EFCAB6: variants seen among roughly 807,000 people sequenced by gnomAD.
EFCAB6 encodes the protein EF-hand calcium-binding domain-containing protein 6.
A neutral mutation model predicts 169.8 loss-of-function variants in EFCAB6; 156 were observed. The observed-to-expected ratio is 0.92, with a 90% CI of 0.81 to 1.05. The LOEUF (loss-of-function observed/expected upper bound fraction) is 1.05. Among genes scored for constraint, EFCAB6 ranks in the 50% least tolerant of loss-of-function variants. EFCAB6 has a pLI of 0.00. For synonymous variants in EFCAB6, 698 were observed against 676.4 expected, an observed-to-expected ratio of 1.03 and a Z score of -0.50; for missense variants, 1,800 against 1,829.1, an observed-to-expected ratio of 0.98 and a Z score of 0.29.
At chr22:43,590,029 T>C (rs865958037) in intron 24 of EFCAB6, 45 bp downstream of exon 24, 1 of 1,587,682 alleles carries the variant, frequency 6.3e-7, no homozygotes, top group Middle Eastern at 1.7e-4. Flanking sequence ...CTCCAGTATG[T>C]TTTTCAGGGC....
In EFCAB6 at chr22:43,667,129, T is replaced by C; in HGVS notation, c.1958A>G (p.Lys653Arg). The change falls in exon 17 of 32, where the codon AAA becomes AGA. Residue 653 changes from lysine to arginine, a missense_variant. Lys to Arg is a conservative substitution (Grantham distance 26). Coordinates refer to ENST00000262726, the MANE Select transcript of EFCAB6 (RefSeq NM_022785.4). ...FLDFSKEPNG[K>R]INVHDFKKVL... ...CTTCTTAAAGTCATGCACGTTAATT[T>C]TTCCATTAGGCTCCTTGCTGAAGTC... 2 of 1,614,024 alleles carry C rather than the reference T, an allele frequency of 1.2e-6. No individual in the cohort carries two copies. Among genetic ancestry groups the C allele is most frequent in the South Asian group, 2.2e-5 (2 of 91,062 alleles).
chr22:43,630,887 G>A (rs2147874738), intron 19 of EFCAB6, among the ~76,000 whole-genome samples: 1 of 150,794 alleles, frequency 6.6e-6, no homozygotes, highest in South Asian at 2.1e-4. Context: ...TATGCATATG[G>A]CGATCATATT....
chr22:43,726,945 T>C (rs1310722871), intron 8 of EFCAB6, among the ~76,000 whole-genome samples: 1 of 152,192 alleles, frequency 6.6e-6, no homozygotes, highest in Non-Finnish European at 1.5e-5. Context: ...TTATAGACAT[T>C]TACTATATCC....
At chr22:43,725,491 T>A (rs2059695666) in intron 8 of EFCAB6, among the ~76,000 whole-genome samples, 1 of 152,208 alleles carries the variant, frequency 6.6e-6, no homozygotes, top group Non-Finnish European at 1.5e-5. Context: ...ATTAATCCCC[T>A]TCACAGGGGC....
chr22:43,589,198 C>CCT (rs2051282767), intron 24 of EFCAB6, among the ~76,000 whole-genome samples: 1 of 141,352 alleles, frequency 7.1e-6, no homozygotes. Flanking sequence ...GGGCAGATCA[C>CCT]AAGGTCAGGA....
intron 4 of EFCAB6, 86 bp downstream of exon 4, chr22:43,772,806 C>CAA (rs1382223015): frequency 6.8e-7 from 1 of 1,465,970 alleles, no homozygotes; most frequent in Non-Finnish European, 9.3e-7. Flanking sequence ...ACAGTGGGGA[C>CAA]AAAGACAGGA....
intron 6 of EFCAB6, among the ~76,000 whole-genome samples, chr22:43,741,664 G>A (rs1378285963): frequency 6.6e-6 from 1 of 152,182 alleles, no homozygotes; most frequent in Non-Finnish European, 1.5e-5. Context: ...GTGCCCAGAC[G>A]CAGCGGATGC....
At chr22:43,762,651 G>A (rs536516928) in intron 5 of EFCAB6, among the ~76,000 whole-genome samples, 2 of 152,266 alleles carry the variant, frequency 1.3e-5, no homozygotes, top group Non-Finnish European at 2.9e-5. Flanking sequence ...TCTGCTTCAC[G>A]AGTAAATCAG....
chr22:43,579,720 A>C (rs1262276426), intron 25 of EFCAB6, among the ~76,000 whole-genome samples: 6 of 115,150 alleles, frequency 5.2e-5, no homozygotes, highest in Admixed American at 8.7e-5. Flanking sequence ...GCATCATTCC[A>C]TACATGCAGG....
chr22:43,632,049 G>A (rs199505440), intron 19 of EFCAB6, 56 bp downstream of exon 19: 24 of 1,595,080 alleles, frequency 1.5e-5, no homozygotes, highest in South Asian at 6.8e-5. Context: ...CTTGGGCTGC[G>A]TGGTTGGGAG....
intron 13 of EFCAB6, among the ~76,000 whole-genome samples, chr22:43,674,907 G>A (rs945494743): frequency 2.0e-5 from 3 of 152,058 alleles, no homozygotes; most frequent in South Asian, 2.1e-4. Context: ...ACTTGATTCC[G>A]TGGCCACTAG....
At chr22:43,749,772 G>A (rs112520415) in intron 6 of EFCAB6, among the ~76,000 whole-genome samples, 2,878 of 152,258 alleles carry the variant, frequency 0.019, 95 homozygotes, top group African/African-American at 0.066. Flanking sequence ...AACTTCCCAC[G>A]TAAGAACTCG....
intron 30 of EFCAB6, among the ~76,000 whole-genome samples, chr22:43,532,865 A>G (rs1246182874): frequency 1.3e-5 from 2 of 152,252 alleles, no homozygotes; most frequent in Non-Finnish European, 2.9e-5. Flanking sequence ...TCAGCCCGAC[A>G]CTTCTGGTCC....
chr22:43,613,042 T>C (rs747569949), intron 21 of EFCAB6, among the ~76,000 whole-genome samples: 16 of 150,050 alleles, frequency 1.1e-4, no homozygotes, highest in Non-Finnish European at 1.3e-4. Flanking sequence ...AAAACAGAAC[T>C]ACCATTCGAC....
chr22:43,728,331 T>C (rs1331770986), intron 8 of EFCAB6, among the ~76,000 whole-genome samples: 1 of 152,224 alleles, frequency 6.6e-6, no homozygotes, highest in African/African-American at 2.4e-5. Context: ...TTTGGGTTAG[T>C]TCCAAGTCTT....
intron 10 of EFCAB6, among the ~76,000 whole-genome samples, chr22:43,706,903 T>C (rs907167603): frequency 6.6e-6 from 1 of 152,132 alleles, no homozygotes; most frequent in African/African-American, 2.4e-5. Flanking sequence ...AGTAAATAAG[T>C]AAAAAGACTG....
intron 27 of EFCAB6, among the ~76,000 whole-genome samples, chr22:43,550,924 C>G (rs1311122678): frequency 6.6e-6 from 1 of 152,132 alleles, no homozygotes; most frequent in African/African-American, 2.4e-5. Flanking sequence ...GCTCTCCTTT[C>G]CCGAAAGGTT....
chr22:43,625,800 T>A (rs2054471964), intron 20 of EFCAB6, among the ~76,000 whole-genome samples: 1 of 152,188 alleles, frequency 6.6e-6, no homozygotes, highest in South Asian at 2.1e-4. Context: ...TAGCTTAACA[T>A]TTGGAGGTGA....
intron 22 of EFCAB6, among the ~76,000 whole-genome samples, chr22:43,603,119 C>G (rs1171606985): frequency 6.6e-6 from 1 of 152,134 alleles, no homozygotes; most frequent in African/African-American, 2.4e-5. Flanking sequence ...GTGCTGTGCT[C>G]AAGGGCTCAC....
Sources: allele counts gnomAD v4.1 joint callset (sites outside exome capture counted in the v4.1 genomes callset), GRCh38; gene constraint gnomAD v4.1.1; transcripts MANE v1.5; gene names NCBI Gene and HGNC (gene_info 2026-07-23, HGNC 2026-07-21).